The following HMBOX1 variants were observed in gnomAD, a reference collection of about 807,000 sequenced individuals.
HMBOX1 encodes the protein homeobox-containing protein 1.
HMBOX1 carries 14 observed loss-of-function variants against 54.5 expected under a neutral mutation model. The ratio of observed to expected loss-of-function variants is 0.26; its 90% CI spans 0.17 to 0.40. The LOEUF is 0.40. Among genes scored for constraint, HMBOX1 ranks in the 10% least tolerant of loss-of-function variants. The pLI is 1.00. For synonymous variants in HMBOX1, 160 were observed against 181.0 expected, an observed-to-expected ratio of 0.88 and a Z score of 0.93; for missense variants, 332 against 514.4, an observed-to-expected ratio of 0.65 and a Z score of 3.43.
At chr8:28,938,088 A>G (rs978881472) in intron 1 of HMBOX1, among the ~76,000 whole-genome samples, 5 of 152,178 alleles carry the variant, frequency 3.3e-5, no homozygotes, top group African/African-American at 1.2e-4. Flanking sequence ...CTGGTATTGC[A>G]GGCCTCCTCA....
intron 5 of HMBOX1, chr8:29,010,185 A>C (rs1834043061): frequency 1.0e-6 from 1 of 952,870 alleles, no homozygotes; most frequent in African/African-American, 1.8e-5. Context: ...CCCAGTTTTT[A>C]TTTTGAAATG....
intron 4 of HMBOX1, among the ~76,000 whole-genome samples, chr8:28,989,162 C>T (rs974740994): frequency 1.3e-5 from 2 of 151,870 alleles, no homozygotes; most frequent in Admixed American, 1.3e-4. Flanking sequence ...ATCCCAGCTG[C>T]TCGGGAGGCT....
rs759512108 is a variant in HMBOX1 at position 29,052,565 on chromosome 8, C to A, written c.*1410C>A. ...TTTTCATTTTGAGAACTCAAAATAC[C>A]AAACAGTGAACTTGCATTCTAAAGT... is the stretch of plus-strand genomic sequence containing the variant. On this transcript the variant is annotated 3_prime_UTR_variant, in exon 10 of 10. Transcript: ENST00000287701. The A allele has an allele frequency of 6.6e-6, 1 of 151,616 alleles. No individual in the cohort carries two copies. The highest frequency in any genetic ancestry group is 1.5e-5 in the Non-Finnish European group (1 of 67,934). The allele number at this position is 151,616 out of a possible 1,614,324, so 9.4% of individuals were successfully genotyped here. A position where few individuals can be genotyped will look rare whatever the true frequency, so the allele number is the denominator to read the frequency against.
In HMBOX1 at chr8:28,927,582, C is replaced by T. The variant is rs527998390; in HGVS notation, c.-57-36229C>T. Among the ~76,000 whole-genome samples, 132 of 152,134 alleles carry T rather than the reference C, an allele frequency of 8.7e-4. 1 individual carries two copies. Among genetic ancestry groups the T allele is most frequent in the Non-Finnish European group, 1.5e-3 (101 of 67,976 alleles). On this transcript the variant is annotated intron_variant, in intron 1 of 9. Transcript: ENST00000287701. ...GAGGTGCTGAGTGAGAACTCACTCACTCCCTTGAGAATAACACCAAGCCAT... is the reference window on the plus strand; with the variant it reads ...GAGGTGCTGAGTGAGAACTCACTCATTCCCTTGAGAATAACACCAAGCCAT...
intron 4 of HMBOX1, among the ~76,000 whole-genome samples, chr8:28,990,874 G>A (rs1396849502): frequency 6.6e-6 from 1 of 151,978 alleles, no homozygotes; most frequent in Non-Finnish European, 1.5e-5. Context: ...GGCTGGTCTC[G>A]AGCTCCTGAC....
intron 1 of HMBOX1, among the ~76,000 whole-genome samples, chr8:28,905,044 A>G (rs978085951): frequency 1.3e-5 from 2 of 152,214 alleles, no homozygotes; most frequent in African/African-American, 4.8e-5. Context: ...CACCTTGTCT[A>G]AACAGTAAGG....
chr8:28,963,732 C>T, intron 1 of HMBOX1, 79 bp from the exon 2 acceptor site: 1 of 585,488 alleles, frequency 1.7e-6, no homozygotes, highest in Non-Finnish European at 3.0e-6. Flanking sequence ...TCTTGCTGTC[C>T]ATCAGTTACA....
At chr8:29,050,886 T>C (rs1237526057) in intron 9 of HMBOX1, 132 bp from the exon 10 acceptor site, 2 of 733,396 alleles carry the variant, frequency 2.7e-6, no homozygotes, top group Non-Finnish European at 4.4e-6. Context: ...ACAATTTACC[T>C]CTATTTTATC....
At chr8:28,920,992 A>G (rs988410920) in intron 1 of HMBOX1, among the ~76,000 whole-genome samples, 1 of 152,252 alleles carries the variant, frequency 6.6e-6, no homozygotes, top group Non-Finnish European at 1.5e-5. Flanking sequence ...CTATAACATT[A>G]TGATATAAAT....
At chr8:28,926,780 A>G (rs560132146) in intron 1 of HMBOX1, among the ~76,000 whole-genome samples, 1 of 152,282 alleles carries the variant, frequency 6.6e-6, no homozygotes, top group Non-Finnish European at 1.5e-5. Context: ...TCTGGCCTCA[A>G]TGGATTCTCC....
At chr8:29,048,816 A>G in intron 8 of HMBOX1, 138 bp from the exon 9 acceptor site, 1 of 666,956 alleles carries the variant, frequency 1.5e-6, no homozygotes, top group East Asian at 2.6e-5. Context: ...TACAGTCTAA[A>G]AGAAACAAAT....
rs541773884 is a variant in HMBOX1, at chr8:28,947,967, A to G, written c.-57-15844A>G. Among the ~76,000 whole-genome samples the G allele has an allele frequency of 2.0e-5, 3 of 152,218 alleles. No individual in the cohort carries two copies. The South Asian group carries it at 6.2e-4, about 32-fold the overall frequency. ...GAGACAGGGTCTTGCTCCTTTGCCC[A>G]GACTGGAGTATAGTGGTGCAGATAT... On this transcript the variant is annotated intron_variant, in intron 1 of 9. Coordinates refer to ENST00000287701, the MANE Select transcript of HMBOX1 (RefSeq NM_001135726.3).
intron 1 of HMBOX1, among the ~76,000 whole-genome samples, chr8:28,951,122 C>T (rs1007438213): frequency 2.0e-5 from 3 of 152,146 alleles, no homozygotes; most frequent in African/African-American, 7.2e-5. Flanking sequence ...GTGCCTGTTA[C>T]GTTCCAGATA....
At chr8:29,042,384 A>C (rs2133322976) in intron 6 of HMBOX1, among the ~76,000 whole-genome samples, 1 of 152,322 alleles carries the variant, frequency 6.6e-6, no homozygotes, top group Admixed American at 6.5e-5. Context: ...CCAAGCAATT[A>C]ACTCATATTA....
intron 3 of HMBOX1, among the ~76,000 whole-genome samples, chr8:28,979,256 T>G (rs895237543): frequency 3.9e-5 from 6 of 152,242 alleles, no homozygotes; most frequent in Non-Finnish European, 8.8e-5. Context: ...TGTTTATTCT[T>G]GTTCTGGTGG....
intron 3 of HMBOX1, among the ~76,000 whole-genome samples, chr8:28,972,648 A>G (rs568605612): frequency 1.5e-4 from 23 of 152,342 alleles, no homozygotes; most frequent in African/African-American, 5.5e-4. Flanking sequence ...ATCAGTTTTG[A>G]TAAGCTTTTG....
At chr8:29,024,545 CA>C (rs983929232) in intron 6 of HMBOX1, among the ~76,000 whole-genome samples, 4 of 151,936 alleles carry the variant, frequency 2.6e-5, no homozygotes, top group African/African-American at 7.3e-5. Flanking sequence ...TGCATATAAT[CA>C]GGGGGAAATA....
chr8:28,944,873 A>C (rs540522707), intron 1 of HMBOX1, among the ~76,000 whole-genome samples: 3 of 152,240 alleles, frequency 2.0e-5, no homozygotes, highest in Admixed American at 1.3e-4. Flanking sequence ...GAATTTTGGA[A>C]AGAAACTTGG....
intron 4 of HMBOX1, 105 bp downstream of exon 4, chr8:28,980,261 C>A: frequency 2.4e-6 from 2 of 822,274 alleles, no homozygotes; most frequent in Non-Finnish European, 4.2e-6. Context: ...GCAGATCTGT[C>A]AACTTAGGCA....
Sources: allele counts gnomAD v4.1 joint callset (sites outside exome capture counted in the v4.1 genomes callset), GRCh38; gene constraint gnomAD v4.1.1; transcripts MANE v1.5; gene names NCBI Gene and HGNC (gene_info 2026-07-23, HGNC 2026-07-21).